Variants in TTC19 observed in about 807,000 individuals in gnomAD.
TTC19 encodes tetratricopeptide repeat protein 19, mitochondrial.
A neutral mutation model predicts 49.5 loss-of-function variants in TTC19; 38 were observed. The observed-to-expected ratio is 0.77, with a 90% CI of 0.59 to 1.01. TTC19 has a LOEUF of 1.01. Ranked by LOEUF, TTC19 falls within the 50% of genes least tolerant of loss-of-function variation. TTC19 has a pLI of 0.00. For synonymous variants in TTC19, 204 were observed against 185.2 expected (o/e 1.10, Z -0.83); for missense variants, 475 against 477.7 (o/e 0.99, Z 0.05).
At position 16,004,213 on chromosome 17, in the gene TTC19, A is replaced by G. The variant is rs748720109; in HGVS notation, c.532A>G (p.Ile178Val). The change falls in exon 6 of 10, where the codon ATA becomes GTA. Residue 178 changes from isoleucine to valine, a missense_variant. Physicochemically the swap from Ile to Val is conservative, Grantham distance 29. Coordinates refer to ENST00000261647, the MANE Select transcript of TTC19 (RefSeq NM_017775.4). ...CTTTCTCTCACAGGAGGACAATGCA[A>G]TAATTGAAATTTCCCTAAAGCTGGC... ...GGGMKQEDNA[I>V]IEISLKLASI... The G allele has an allele frequency of 6.2e-6, 10 of 1,614,074 alleles. No individual in the cohort carries two copies. The highest frequency in any genetic ancestry group is 8.5e-6 in the Non-Finnish European group (10 of 1,180,000).
In TTC19 at chr17:16,040,552, A is replaced by G. The variant is rs1478729047; in HGVS notation, c.248-3951A>G. 3 of 1,402,392 alleles carry G rather than the reference A, an allele frequency of 2.1e-6. No homozygotes were observed. The East Asian group carries it at 7.0e-5, about 33-fold the overall frequency. The allele number at this position is 1,402,392 out of a possible 1,614,324, so 86.9% of individuals were successfully genotyped here. A position where few individuals can be genotyped will look rare whatever the true frequency, so the allele number is the denominator to read the frequency against. On this transcript the variant is annotated intron_variant, in intron 2 of 2. Transcript: ENST00000470649. Reference sequence around the variant, plus strand: ...ATGTGATAATCATATATACCAAACTAAAGTCTCAAAAAATTCCTATAATAA... The same window carrying G: ...ATGTGATAATCATATATACCAAACTGAAGTCTCAAAAAATTCCTATAATAA...
At position 16,026,630 on chromosome 17, in the gene TTC19, C is replaced by T; in HGVS notation, c.922C>T (p.Leu308=). The T allele has an allele frequency of 6.2e-7, 1 of 1,614,122 alleles. No homozygotes were observed. The change falls in exon 9 of 10, where the codon CTG becomes TTG. Residue 308 remains leucine, a synonymous_variant. Coordinates refer to ENST00000261647, the MANE Select transcript of TTC19 (RefSeq NM_017775.4). ...AYIYMQRASD[L]ARQINHPELH... ...TATTTATATGCAAAGGGCATCAGAT[C>T]TGGCAAGACAGATAAATCATCCTGA...
At chr17:16,031,913 TA>T, downstream of TTC19, 1 of 243,872 alleles carries the variant, frequency 4.1e-6, no homozygotes, top group Non-Finnish European at 7.9e-6. Context: ...GATTTGAACA[TA>T]AGTACACCAG....
intron 2 of TTC19, among the ~76,000 whole-genome samples, chr17:16,035,522 C>T (rs1035986783): frequency 6.7e-6 from 1 of 148,234 alleles, no homozygotes; most frequent in African/African-American, 2.5e-5. Context: ...ACTACTAGTT[C>T]TCTTGTTCTT....
chr17:16,038,015 A>G (rs1190793219), intron 2 of TTC19, among the ~76,000 whole-genome samples: 1 of 152,204 alleles, frequency 6.6e-6, no homozygotes, highest in African/African-American at 2.4e-5. Context: ...CTTAAAGCCA[A>G]TAAAAATTGG....
In TTC19 at chr17:16,025,059, T is replaced by TA. The variant is rs1300259482; in HGVS notation, c.720dup (p.Asp241ArgfsTer21). On this transcript the variant is annotated frameshift_variant, in exon 8 of 10. Coordinates refer to ENST00000261647, the MANE Select transcript of TTC19 (RefSeq NM_017775.4). LOFTEE classifies it high-confidence loss of function. ...ACCCACCTCCTCTTGGGCATGTGCTTAGACGCCTGTGCTCGCTACCTTCTG... is the reference window on the plus strand; with the variant it reads ...ACCCACCTCCTCTTGGGCATGTGCTTAAGACGCCTGTGCTCGCTACCTTCTG... The TA allele has an allele frequency of 6.2e-7, 1 of 1,613,980 alleles. No homozygotes were observed. Among genetic ancestry groups the TA allele is most frequent in the Middle Eastern group, 1.7e-4 (1 of 6,056 alleles).
At position 15,999,880 on chromosome 17, in the gene TTC19, G is replaced by C. The variant is rs1337273896; in HGVS notation, c.32G>C (p.Arg11Pro). The change falls in exon 1 of 10, where the codon CGA becomes CCA. Residue 11 changes from arginine to proline, a missense_variant. Physicochemically the swap from Arg to Pro is moderately radical, Grantham distance 103. Coordinates refer to ENST00000261647, the MANE Select transcript of TTC19 (RefSeq NM_017775.4). Reference sequence around the variant, plus strand: ...CGGCTCCTGAGCTGGAGCCTGGGCCGAGGCTTCCTGCGGGCCGCGGGGCGG... The same window carrying C: ...CGGCTCCTGAGCTGGAGCCTGGGCCCAGGCTTCCTGCGGGCCGCGGGGCGG... MFRLLSWSLG[R>P]GFLRAAGRRC... 1 of 1,425,880 alleles carries C rather than the reference G, an allele frequency of 7.0e-7. No homozygotes were observed. The highest frequency in any genetic ancestry group is 1.5e-5 in the South Asian group (1 of 68,112). The allele number at this position is 1,425,880 out of a possible 1,614,324, so 88.3% of individuals were successfully genotyped here. A position where few individuals can be genotyped will look rare whatever the true frequency, so the allele number is the denominator to read the frequency against.
chr17:16,002,673 C>T, intron 3 of TTC19, 120 bp from the exon 4 acceptor site: 1 of 899,028 alleles, frequency 1.1e-6, no homozygotes, highest in Non-Finnish European at 1.8e-6. Context: ...TGGTGATGTG[C>T]TTTTCATTTT....
rs1452131648 is a variant in TTC19 at position 16,028,221 on chromosome 17, CTG to C, written c.*703_*704del. ...AACTAAGAATGATGTAACCTTTTGT[CTG>C]TGTTATCTGAACACTCTACTTCCTT... On this transcript the variant is annotated 3_prime_UTR_variant, in exon 10 of 10. Coordinates refer to ENST00000261647, the MANE Select transcript of TTC19 (RefSeq NM_017775.4). The C allele has an allele frequency of 4.4e-6, 2 of 453,992 alleles. No individual in the cohort carries two copies. Among genetic ancestry groups the C allele is most frequent in the Non-Finnish European group, 8.8e-6 (2 of 226,800 alleles). The allele number at this position is 453,992 out of a possible 1,614,324, so 28.1% of individuals were successfully genotyped here.
rs1356737181 is a variant in TTC19 at position 16,029,356 on chromosome 17, T to C, written c.*1834T>C. ...GATCTCCTTTACTGATTGGTCTAAA[T>C]TCAAAAGTGAATTGGTTAAAATCGT... is the stretch of plus-strand genomic sequence containing the variant. On this transcript the variant is annotated 3_prime_UTR_variant, in exon 10 of 10. Transcript: ENST00000261647. The C allele has an allele frequency of 2.1e-5, 8 of 386,086 alleles. No homozygotes were observed. In the East Asian group the frequency reaches 6.0e-4, roughly 29 times the overall value. The allele number at this position is 386,086 out of a possible 1,614,324, so 23.9% of individuals were successfully genotyped here.
At chr17:16,008,997 A>G (rs1301819913) in intron 7 of TTC19, among the ~76,000 whole-genome samples, 1 of 152,182 alleles carries the variant, frequency 6.6e-6, no homozygotes, top group African/African-American at 2.4e-5. Flanking sequence ...TCCATATCAA[A>G]GAAGGATAGA....
At position 16,028,845 on chromosome 17, in the gene TTC19, A is replaced by AC. The variant is rs1971711182; in HGVS notation, c.*1323_*1324insC. 1 of 376,016 alleles carries AC rather than the reference A, an allele frequency of 2.7e-6. No homozygotes were observed. The highest frequency in any genetic ancestry group is 3.9e-5 in the Admixed American group (1 of 25,686). The allele number at this position is 376,016 out of a possible 1,614,324, so 23.3% of individuals were successfully genotyped here. A position where few individuals can be genotyped will look rare whatever the true frequency, so the allele number is the denominator to read the frequency against. On this transcript the variant is annotated 3_prime_UTR_variant, in exon 10 of 10. Coordinates refer to ENST00000261647, the MANE Select transcript of TTC19 (RefSeq NM_017775.4). ...AAAAAAAAAAAAAAAAAAAAAAAAAAACTTTCTGAAGAAAATAAAAACACC... is the reference window on the plus strand; with the variant it reads ...AAAAAAAAAAAAAAAAAAAAAAAAAACACTTTCTGAAGAAAATAAAAACACC...
At chr17:16,034,677 G>C in intron 2 of TTC19, 1 of 1,195,060 alleles carries the variant, frequency 8.4e-7, no homozygotes, top group Non-Finnish European at 1.2e-6. Flanking sequence ...TTCCAAATTA[G>C]AAGAGTTGCT....
At chr17:16,023,817 T>C (rs1971458247) in intron 7 of TTC19, 1 of 152,222 alleles carries the variant, frequency 6.6e-6, no homozygotes, top group Non-Finnish European at 1.5e-5. Context: ...TGGGAAGGTA[T>C]TAAAAAAGAA....
chr17:16,021,130 G>A (rs181212795), intron 7 of TTC19, among the ~76,000 whole-genome samples: 1 of 152,316 alleles, frequency 6.6e-6, no homozygotes, highest in East Asian at 1.9e-4. Context: ...GCTCACGCCT[G>A]TAATCCCAGC....
Position 16,029,321 on chromosome 17 carries a change from A to G in TTC19, c.*1799A>G, listed in dbSNP as rs1971750116. 3 of 441,032 alleles carry G rather than the reference A, an allele frequency of 6.8e-6. No homozygotes were observed. Among genetic ancestry groups the G allele is most frequent in the South Asian group, 4.9e-5 (3 of 60,772 alleles). The allele number at this position is 441,032 out of a possible 1,614,324, so 27.3% of individuals were successfully genotyped here. ...GTTGTAAAATAAGGTACTGAAGCAA[A>G]AGGAGGACTGATCTCCTTTACTGAT... On this transcript the variant is annotated 3_prime_UTR_variant, in exon 10 of 10. Coordinates refer to ENST00000261647, the MANE Select transcript of TTC19 (RefSeq NM_017775.4).
chr17:16,039,642 G>A, intron 2 of TTC19: 1 of 1,613,662 alleles, frequency 6.2e-7, no homozygotes, highest in Non-Finnish European at 8.5e-7. Context: ...ATGGCCTCTA[G>A]AGCTAACTGA....
chr17:16,005,971 A>G (rs374135603), intron 6 of TTC19, among the ~76,000 whole-genome samples: 1 of 152,330 alleles, frequency 6.6e-6, no homozygotes, highest in East Asian at 1.9e-4. Context: ...GTTATATTAA[A>G]TGGATGACTT....
At chr17:16,043,681 A>G (rs1483687734) in intron 2 of TTC19, among the ~76,000 whole-genome samples, 6 of 152,210 alleles carry the variant, frequency 3.9e-5, no homozygotes, top group African/African-American at 1.2e-4. Flanking sequence ...AGCAGACCAC[A>G]CAAAGGTGAA....
Sources: gnomAD v4.1 joint callset for allele counts (sites outside exome capture counted in the v4.1 genomes callset) on GRCh38, gnomAD v4.1.1 for gene constraint, MANE v1.5 for transcripts, NCBI Gene and HGNC (gene_info 2026-07-23, HGNC 2026-07-21) for gene names.